PRKG1: variants seen among roughly 807,000 people sequenced by gnomAD.
The protein encoded by PRKG1 is protein kinase cGMP-dependent 1.
PRKG1 carries 35 observed loss-of-function variants against 88.1 expected under a neutral mutation model. The observed-to-expected ratio is 0.40, with a 90% CI of 0.30 to 0.53. PRKG1 has a LOEUF of 0.53. PRKG1 is among the 20% of genes least tolerant of loss of function. The pLI is 0.59. For missense variants in PRKG1, 540 were observed against 839.8 expected, an observed-to-expected ratio of 0.64 and a Z score of 4.41; for synonymous variants, 303 against 292.5, an observed-to-expected ratio of 1.04 and a Z score of -0.37.
At chr10:51,228,196 T>A (rs978073474) in intron 2 of PRKG1, among the ~76,000 whole-genome samples, 1 of 152,216 alleles carries the variant, frequency 6.6e-6, no homozygotes, top group Admixed American at 6.5e-5. Flanking sequence ...TTTAAAGGTC[T>A]GGGATAGATG....
At chr10:51,197,225 A>G (rs1359411830) in intron 2 of PRKG1, among the ~76,000 whole-genome samples, 1 of 152,174 alleles carries the variant, frequency 6.6e-6, no homozygotes, top group Non-Finnish European at 1.5e-5. Flanking sequence ...AAAGGAAATA[A>G]AATATCTGTT....
chr10:51,286,161 G>A (rs555975357), intron 2 of PRKG1, among the ~76,000 whole-genome samples: 1 of 152,178 alleles, frequency 6.6e-6, no homozygotes, highest in Admixed American at 6.5e-5. Flanking sequence ...AGTAGCAATG[G>A]GGTTTTGCCA....
chr10:51,138,519 G>C (rs1445702813), intron 1 of PRKG1, among the ~76,000 whole-genome samples: 1 of 151,968 alleles, frequency 6.6e-6, no homozygotes, highest in Non-Finnish European at 1.5e-5. Flanking sequence ...TTCTTGCATG[G>C]ATTATCCTGT....
In PRKG1 at chr10:51,953,672, T is replaced by C. The variant is rs531265545; in HGVS notation, c.762+46102T>C. Among the ~76,000 whole-genome samples, 6 of 152,246 alleles carry C rather than the reference T, an allele frequency of 3.9e-5. No individual in the cohort carries two copies. In the East Asian group the frequency reaches 5.8e-4, roughly 15 times the overall value. On this transcript the variant is annotated intron_variant, in intron 5 of 17. Transcript: ENST00000373980. ...TGCTTAATAATGTTTGATGAATGAATGTTAAATGAACATTCTCCATGGAAA... is the reference window on the plus strand; with the variant it reads ...TGCTTAATAATGTTTGATGAATGAACGTTAAATGAACATTCTCCATGGAAA...
chr10:52,138,438 C>G (rs1353795362), intron 8 of PRKG1, among the ~76,000 whole-genome samples: 1 of 152,084 alleles, frequency 6.6e-6, no homozygotes, highest in African/African-American at 2.4e-5. Flanking sequence ...AGAAAGAAAA[C>G]AGAGGAACTT....
intron 3 of PRKG1, among the ~76,000 whole-genome samples, chr10:51,580,901 G>T (rs1838015133): frequency 6.6e-6 from 1 of 151,960 alleles, no homozygotes; most frequent in Non-Finnish European, 1.5e-5. Flanking sequence ...TTTATTGCGG[G>T]ATCTGGCCAG....
At position 52,224,836 on chromosome 10, in the gene PRKG1, T is replaced by TATATATAC. The variant is rs1457134141; in HGVS notation, c.1077-26731_1077-26730insTATACATA. ...ATATATATATATATATATATATATA[T>TATATATAC]ATACATACATACATACATATCTCAC... On this transcript the variant is annotated intron_variant, in intron 9 of 17. Coordinates refer to ENST00000373980, the MANE Select transcript of PRKG1 (RefSeq NM_006258.4). Among the ~76,000 whole-genome samples the TATATATAC allele has an allele frequency of 4.2e-4, 38 of 89,876 alleles. 1 individual carries two copies. Among genetic ancestry groups the TATATATAC allele is most frequent in the South Asian group, 1.8e-3 (4 of 2,276 alleles). The allele number at this position is 89,876 out of a possible 152,430, so 59.0% of individuals were successfully genotyped here. A position where few individuals can be genotyped will look rare whatever the true frequency, so the allele number is the denominator to read the frequency against.
chr10:51,665,942 T>C lies in PRKG1; in HGVS notation c.593-138643T>C, dbSNP rs1316100335. Among the ~76,000 whole-genome samples the C allele has an allele frequency of 2.6e-5, 4 of 152,106 alleles. No homozygotes were observed. The East Asian group carries it at 5.8e-4, about 22-fold the overall frequency. On this transcript the variant is annotated intron_variant, in intron 3 of 17. Transcript: ENST00000373980. ...ATGTGTGTGTGTGTGTGTGTTTGTG[T>C]GTTTGTGTGTGTGAAACAACACAAG...
At chr10:52,133,383 CT>C (rs1448100760) in intron 7 of PRKG1, among the ~76,000 whole-genome samples, 2 of 151,968 alleles carry the variant, frequency 1.3e-5, no homozygotes, top group African/African-American at 4.8e-5. Context: ...AAAACAGGGT[CT>C]TTAAAGTAAG....
chr10:51,776,510 C>A (rs1472621620), intron 3 of PRKG1, among the ~76,000 whole-genome samples: 2 of 151,948 alleles, frequency 1.3e-5, no homozygotes, highest in Non-Finnish European at 1.5e-5. Context: ...TTAATGATCA[C>A]CTCATCAATG....
At chr10:51,259,222 A>G (rs1469595506) in intron 2 of PRKG1, among the ~76,000 whole-genome samples, 1 of 152,332 alleles carries the variant, frequency 6.6e-6, no homozygotes, top group East Asian at 1.9e-4. Context: ...ATGTACAACC[A>G]TCAGTTGTTA....
intron 4 of PRKG1, among the ~76,000 whole-genome samples, chr10:51,897,297 G>A (rs1251558455): frequency 2.0e-5 from 3 of 152,146 alleles, no homozygotes; most frequent in Non-Finnish European, 4.4e-5. Context: ...CACTGGCACA[G>A]AAATAAACAA....
intron 5 of PRKG1, among the ~76,000 whole-genome samples, chr10:52,052,329 C>T (rs938453713): frequency 2.0e-5 from 3 of 151,946 alleles, no homozygotes; most frequent in African/African-American, 4.8e-5. Context: ...AATCCTAAGA[C>T]TTGGGGAGGC....
intron 2 of PRKG1, among the ~76,000 whole-genome samples, chr10:51,215,587 T>C (rs901487998): frequency 6.6e-6 from 1 of 152,160 alleles, no homozygotes; most frequent in South Asian, 2.1e-4. Context: ...AGTAGAAGAA[T>C]GCTGGCATTT....
At chr10:52,096,034 G>A (rs1014427928) in intron 7 of PRKG1, among the ~76,000 whole-genome samples, 1 of 152,138 alleles carries the variant, frequency 6.6e-6, no homozygotes, top group Non-Finnish European at 1.5e-5. Context: ...CTGTGAACAA[G>A]GAGTCTGGGG....
chr10:51,945,920 G>A (rs1367533821), intron 5 of PRKG1, among the ~76,000 whole-genome samples: 2 of 150,504 alleles, frequency 1.3e-5, no homozygotes, highest in African/African-American at 4.9e-5. Flanking sequence ...TGGTGAATCT[G>A]ACAATTATGT....
intron 3 of PRKG1, among the ~76,000 whole-genome samples, chr10:51,658,624 A>G (rs989253226): frequency 1.3e-5 from 2 of 152,162 alleles, no homozygotes; most frequent in African/African-American, 4.8e-5. Flanking sequence ...TATAAGCATA[A>G]CTCGTAGCAA....
At chr10:51,751,210 ATTCAG>A (rs1837716675) in intron 3 of PRKG1, among the ~76,000 whole-genome samples, 1 of 152,146 alleles carries the variant, frequency 6.6e-6, no homozygotes, top group Admixed American at 6.6e-5. Flanking sequence ...AATACAGGGC[ATTCAG>A]TTCAACCGAA....
intron 5 of PRKG1, among the ~76,000 whole-genome samples, chr10:51,943,117 CTT>C (rs1842947243): frequency 6.6e-6 from 1 of 152,116 alleles, no homozygotes; most frequent in Admixed American, 6.5e-5. Context: ...TTTGTATCCT[CTT>C]TTATTTCATT....
Sources: gnomAD v4.1 joint callset for allele counts (sites outside exome capture counted in the v4.1 genomes callset) on GRCh38, gnomAD v4.1.1 for gene constraint, MANE v1.5 for transcripts, NCBI Gene and HGNC (gene_info 2026-07-23, HGNC 2026-07-21) for gene names.